Variants in SPAG7 observed in about 807,000 individuals in gnomAD.
SPAG7 encodes the protein sperm associated antigen 7, also known as sperm-associated antigen 7.
A neutral mutation model predicts 30.6 loss-of-function variants in SPAG7; 20 were observed. The observed-to-expected ratio is 0.65, with a 90% CI of 0.46 to 0.95. SPAG7 has a LOEUF of 0.95. SPAG7 is among the 40% of genes least tolerant of loss of function. The pLI, the probability that SPAG7 is intolerant of heterozygous loss-of-function variation, is 0.00. For synonymous variants in SPAG7, 127 were observed against 104.2 expected (o/e 1.22, Z -1.33); for missense variants, 276 against 291.1 (o/e 0.95, Z 0.38).
intron 4 of SPAG7, 53 bp downstream of exon 4, chr17:4,960,181 G>T (rs1420136182): frequency 1.2e-6 from 2 of 1,600,764 alleles, no homozygotes. Context: ...GTCGGGGAGG[G>T]GGGATAAGGC....
chr17:4,959,922 G>T lies in SPAG7; in HGVS notation c.418-6C>A, dbSNP rs769403791. 4.3e-6 allele frequency: 7 copies of T among 1,612,968 alleles called. No individual in the cohort carries two copies. The highest frequency in any genetic ancestry group is 5.9e-6 in the Non-Finnish European group (7 of 1,179,876). The stretch of plus-strand genomic sequence containing the variant: ...TCTTGCCTCTGGGCCAGCTCCTAGG[G>T]GTGAAAGTGGGGGCACTGGTGCTCA... On this transcript the variant is annotated splice_polypyrimidine_tract_variant and splice_region_variant and intron_variant, in intron 5 of 6. Transcript: ENST00000206020.
At chr17:4,963,362 C>G (rs528136926) in intron 1 of SPAG7, among the ~76,000 whole-genome samples, 1 of 151,464 alleles carries the variant, frequency 6.6e-6, no homozygotes, top group Non-Finnish European at 1.5e-5. Context: ...AAAACAAAAA[C>G]AAACCATAAT....
In SPAG7 at chr17:4,960,006, G is replaced by A. The variant is rs1567675861; in HGVS notation, c.417+16C>T. 1 of 1,613,752 alleles carries A rather than the reference G, an allele frequency of 6.2e-7. No homozygotes were observed. Among genetic ancestry groups the A allele is most frequent in the Non-Finnish European group, 8.5e-7 (1 of 1,179,814 alleles). ...GGTGGGCTTCTGGACCCCAAGGGCT[G>A]CAAAGCATAGCTCACCTTCAGCTTC... On this transcript the variant is annotated intron_variant, in intron 5 of 6. Coordinates refer to ENST00000206020, the MANE Select transcript of SPAG7 (RefSeq NM_004890.3).
intron 1 of SPAG7, among the ~76,000 whole-genome samples, chr17:4,963,854 T>C (rs1378168452): frequency 1.3e-5 from 2 of 152,164 alleles, no homozygotes; most frequent in African/African-American, 4.8e-5. Context: ...CTGACACCCT[T>C]CTCCTTTGGG....
chr17:4,967,496 A>G (rs952340629), intron 1 of SPAG7, among the ~76,000 whole-genome samples: 3 of 152,166 alleles, frequency 2.0e-5, no homozygotes, highest in Non-Finnish European at 4.4e-5. Flanking sequence ...GCGGAAGGCC[A>G]GGGTCGGGAG....
intron 1 of SPAG7, among the ~76,000 whole-genome samples, chr17:4,964,309 C>T (rs970132455): frequency 1.3e-5 from 2 of 151,856 alleles, no homozygotes; most frequent in South Asian, 4.1e-4. Flanking sequence ...TACTCCTGCT[C>T]CTCAGCCTGA....
rs910352321 is a variant in SPAG7 at position 4,967,783 on chromosome 17, T to C, written c.22A>G (p.Ile8Val). Reference sequence around the variant, plus strand: ...GGTGGCTTCTCCATGGAGCTCAGGATGGAGCCCAGTAGGTCCGCCATCTTG... The same window carrying C: ...GGTGGCTTCTCCATGGAGCTCAGGACGGAGCCCAGTAGGTCCGCCATCTTG... MADLLGS[I>V]LSSMEKPPSL... Residue 8 changes from isoleucine to valine, a missense_variant, in exon 1 of 7, where the codon ATC becomes GTC. Physicochemically the swap from Ile to Val is conservative, Grantham distance 29. Transcript: ENST00000206020. 1 of 1,613,952 alleles carries C rather than the reference T, an allele frequency of 6.2e-7. No homozygotes were observed. The highest frequency in any genetic ancestry group is 8.5e-7 in the Non-Finnish European group (1 of 1,179,890).
chr17:4,966,740 C>T, intron 1 of SPAG7: 1 of 985,458 alleles, frequency 1.0e-6, no homozygotes, highest in Non-Finnish European at 1.2e-6. Flanking sequence ...CGCCCCAGCC[C>T]CGGACTGTGG....
In SPAG7 at chr17:4,959,245, T is replaced by C. The variant is rs765550548; in HGVS notation, c.*289A>G. 1 of 502,710 alleles carries C rather than the reference T, an allele frequency of 2.0e-6. No homozygotes were observed. Among genetic ancestry groups the C allele is most frequent in the South Asian group, 2.7e-5 (1 of 36,608 alleles). The allele number at this position is 502,710 out of a possible 1,614,324, so 31.1% of individuals were successfully genotyped here. A position where few individuals can be genotyped will look rare whatever the true frequency, so the allele number is the denominator to read the frequency against. ...AGGACATTGGGTTAAACAGTATTTA[T>C]TGAATGTAAAGTACCCCAGCCCCAT... is the stretch of plus-strand genomic sequence containing the variant. On this transcript the variant is annotated 3_prime_UTR_variant, in exon 7 of 7. Transcript: ENST00000206020.
In SPAG7 at chr17:4,960,922, A is replaced by G. The variant is rs927993381; in HGVS notation, c.86-69T>C. Reference sequence around the variant, plus strand: ...GGGTGGGAAAGGTTTCTAAGGCTTCAAGTGAAGTGTGGTGTCCACTGGGAG... The same window carrying G: ...GGGTGGGAAAGGTTTCTAAGGCTTCGAGTGAAGTGTGGTGTCCACTGGGAG... On this transcript the variant is annotated intron_variant, in intron 1 of 6. Transcript: ENST00000206020. 30 of 1,408,138 alleles carry G rather than the reference A, an allele frequency of 2.1e-5. No individual in the cohort carries two copies. In the Admixed American group the frequency reaches 5.0e-4, roughly 24 times the overall value. 87.2% of individuals were successfully genotyped at this position (1,408,138 alleles called of 1,614,324 possible).
chr17:4,967,148 A>G (rs1971970738), intron 1 of SPAG7: 1 of 986,270 alleles, frequency 1.0e-6, no homozygotes, highest in Non-Finnish European at 1.2e-6. Flanking sequence ...CAGCTCGGGA[A>G]TTTAAGGCTA....
In SPAG7 at chr17:4,960,862, G is replaced by A. The variant is rs1233088966; in HGVS notation, c.86-9C>T. On this transcript the variant is annotated splice_polypyrimidine_tract_variant and intron_variant, in intron 1 of 6. Transcript: ENST00000206020. Reference sequence around the variant, plus strand: ...CAGGCGGGCGGCCTGTTCTGGGGGTGAGAAATGGCAACATGAAGCCAGGGC... The same window carrying A: ...CAGGCGGGCGGCCTGTTCTGGGGGTAAGAAATGGCAACATGAAGCCAGGGC... 8 of 1,613,642 alleles carry A rather than the reference G, an allele frequency of 5.0e-6. No homozygotes were observed. Among genetic ancestry groups the A allele is most frequent in the African/African-American group, 4.0e-5 (3 of 74,924 alleles).
Position 4,959,617 on chromosome 17 carries a change from G to C in SPAG7, c.601C>G (p.Arg201Gly). 6.2e-7 allele frequency: 1 copy of C among 1,614,082 alleles called. No homozygotes were observed. Among genetic ancestry groups the C allele is most frequent in the Non-Finnish European group, 8.5e-7 (1 of 1,180,008 alleles). The change falls in exon 7 of 7, where the codon CGC (arginine) becomes GGC (glycine). Residue 201 changes from arginine to glycine, a missense_variant. Transcript: ENST00000206020. Reference sequence around the variant, plus strand: ...TCATTCATAGCCTCTTCAATGGAGCGTGTGTCCCTCTTATTGGCCACGGGC... The same window carrying C: ...TCATTCATAGCCTCTTCAATGGAGCCTGTGTCCCTCTTATTGGCCACGGGC... The part of the protein sequence containing the change: ...CVPVANKRDT[R>G]SIEEAMNEIR...
intron 1 of SPAG7, among the ~76,000 whole-genome samples, chr17:4,965,504 C>T (rs958886193): frequency 1.3e-5 from 2 of 151,986 alleles, no homozygotes; most frequent in Admixed American, 6.6e-5. Context: ...AGAGAACTAA[C>T]GTATCATAAC....
At chr17:4,965,826 G>GTTTATTTATTTATTTATTTATTTA (rs111866285) in intron 1 of SPAG7, 1 of 148,512 alleles carries the variant, frequency 6.7e-6, no homozygotes, top group Non-Finnish European at 1.5e-5. Context: ...CCCAGCTAAT[G>GTTTATTTATTTATTTATTTATTTA]TTTATTTATT....
At chr17:4,960,184 G>C (rs746654229) in intron 4 of SPAG7, 50 bp downstream of exon 4, 4 of 1,600,692 alleles carry the variant, frequency 2.5e-6, no homozygotes, top group South Asian at 1.1e-5. Flanking sequence ...GGGGAGGGGG[G>C]ATAAGGCTAC....
intron 1 of SPAG7, chr17:4,966,858 G>C (rs1285255661): frequency 8.5e-5 from 84 of 985,374 alleles, no homozygotes; most frequent in Non-Finnish European, 1.0e-4. Context: ...TGCCTGCTCT[G>C]GTCCCCCTGG....
chr17:4,960,434 C>T (rs1971843170), intron 3 of SPAG7, 25 bp downstream of exon 3: 8 of 1,605,470 alleles, frequency 5.0e-6, no homozygotes, highest in Non-Finnish European at 6.8e-6. Flanking sequence ...CCATTTCCTT[C>T]CTCCCCCAGC....
At chr17:4,963,149 T>G (rs1971892089) in intron 1 of SPAG7, among the ~76,000 whole-genome samples, 1 of 151,996 alleles carries the variant, frequency 6.6e-6, no homozygotes, top group South Asian at 2.1e-4. Flanking sequence ...TCCCAGTACT[T>G]TGGAAGGCCA....
Sources: gnomAD v4.1 joint callset for allele counts (sites outside exome capture counted in the v4.1 genomes callset) on GRCh38, gnomAD v4.1.1 for gene constraint, MANE v1.5 for transcripts, NCBI Gene and HGNC (gene_info 2026-07-23, HGNC 2026-07-21) for gene names.